The following PTPRK variants were observed in gnomAD, a reference collection of about 807,000 sequenced individuals.
PTPRK encodes the protein receptor-type tyrosine-protein phosphatase kappa.
PTPRK carries 75 observed loss-of-function variants against 178.0 expected under a neutral mutation model. That is an observed-to-expected ratio of 0.42 (90% CI 0.35 to 0.51). The LOEUF is 0.51. Among genes scored for constraint, PTPRK ranks in the 20% least tolerant of loss-of-function variants. The pLI is 0.02. For synonymous variants in PTPRK, 637 were observed against 620.6 expected (o/e 1.03, Z -0.39); for missense variants, 1,441 against 1,797.8 (o/e 0.80, Z 3.59).
chr6:127,998,214 A>AT (rs371220886), intron 16 of PTPRK, among the ~76,000 whole-genome samples: 49 of 151,746 alleles, frequency 3.2e-4, no homozygotes, highest in African/African-American at 1.1e-3. Flanking sequence ...GCAGTGCTCT[A>AT]TTTTTTTTCT....
chr6:128,091,417 C>T (rs1786923470), intron 7 of PTPRK, among the ~76,000 whole-genome samples: 1 of 152,284 alleles, frequency 6.6e-6, no homozygotes, highest in East Asian at 1.9e-4. Context: ...TCCAGTTAGA[C>T]CGAAAACACA....
Position 128,072,621 on chromosome 6 carries a change from C to T in PTPRK, c.1884-4829G>A, listed in dbSNP as rs186052046. On this transcript the variant is annotated intron_variant, in intron 11 of 29. Coordinates refer to ENST00000368226, the MANE Select transcript of PTPRK (RefSeq NM_002844.4). ...AATTACCACATTCCTTACCTTATAT[C>T]TCCATTCTTGTTTTATCTCCTGATA... Among the ~76,000 whole-genome samples, 402 of 152,130 alleles carry T rather than the reference C, an allele frequency of 2.6e-3. 2 individuals are homozygous for T. The highest frequency in any genetic ancestry group is 9.3e-3 in the African/African-American group (386 of 41,550).
chr6:128,419,807 C>G (rs768136807), intron 1 of PTPRK, among the ~76,000 whole-genome samples: 1 of 151,944 alleles, frequency 6.6e-6, no homozygotes, highest in Non-Finnish European at 1.5e-5. Context: ...ATGTTCCCAA[C>G]AAAAAAACTG....
intron 18 of PTPRK, among the ~76,000 whole-genome samples, chr6:127,993,392 T>C (rs1360649384): frequency 2.6e-5 from 4 of 151,558 alleles, no homozygotes; most frequent in Non-Finnish European, 5.9e-5. Flanking sequence ...AAAAGTTCTG[T>C]TGAGGAGGAA....
chr6:128,487,202 C>T (rs1354938450), intron 1 of PTPRK, among the ~76,000 whole-genome samples: 1 of 146,380 alleles, frequency 6.8e-6, no homozygotes, highest in African/African-American at 2.5e-5. Context: ...GAGAGGATGG[C>T]TTTCTGAAGT....
chr6:128,060,287 TC>T (rs1780593922), intron 13 of PTPRK, among the ~76,000 whole-genome samples: 1 of 152,210 alleles, frequency 6.6e-6, no homozygotes, highest in African/African-American at 2.4e-5. Context: ...AGCTATTATT[TC>T]TACTTTGACT....
intron 13 of PTPRK, among the ~76,000 whole-genome samples, chr6:128,017,802 GTATATA>G (rs34836605): frequency 0.055 from 5,525 of 101,246 alleles, 414 homozygotes; most frequent in African/African-American, 0.16. Flanking sequence ...ATATATATGT[GTATATA>G]TATATATATA....
chr6:127,988,097 C>T (rs1367683716), intron 21 of PTPRK, among the ~76,000 whole-genome samples: 1 of 149,952 alleles, frequency 6.7e-6, no homozygotes, highest in Non-Finnish European at 1.5e-5. Context: ...TTTCTTAATT[C>T]ACTACTAGAT....
At chr6:128,502,520 G>A (rs1254079011) in intron 1 of PTPRK, among the ~76,000 whole-genome samples, 1 of 152,096 alleles carries the variant, frequency 6.6e-6, no homozygotes, top group Non-Finnish European at 1.5e-5. Context: ...AATTAAAGAG[G>A]ATTATCTCAC....
At chr6:128,458,131 T>G (rs1323836928) in intron 1 of PTPRK, among the ~76,000 whole-genome samples, 7 of 152,202 alleles carry the variant, frequency 4.6e-5, no homozygotes, top group Admixed American at 3.9e-4. Context: ...TCAGAAAATT[T>G]CTCTCCATCT....
At chr6:128,163,554 A>C (rs1230130186) in intron 7 of PTPRK, among the ~76,000 whole-genome samples, 1 of 151,438 alleles carries the variant, frequency 6.6e-6, no homozygotes, top group Non-Finnish European at 1.5e-5. Flanking sequence ...TAAAAAGCTG[A>C]ATTAGCTTAC....
At chr6:128,367,457 A>C (rs1835671119) in intron 2 of PTPRK, among the ~76,000 whole-genome samples, 1 of 152,280 alleles carries the variant, frequency 6.6e-6, no homozygotes, top group South Asian at 2.1e-4. Flanking sequence ...AAATTCAGTG[A>C]CTTAACCTAA....
chr6:128,091,004 G>A (rs1396987949), intron 7 of PTPRK, among the ~76,000 whole-genome samples: 1 of 152,048 alleles, frequency 6.6e-6, no homozygotes, highest in Non-Finnish European at 1.5e-5. Context: ...ATAAATTTTT[G>A]TTTTTGAGAT....
intron 2 of PTPRK, among the ~76,000 whole-genome samples, chr6:128,335,361 T>G (rs1168587508): frequency 1.3e-5 from 2 of 149,644 alleles, no homozygotes; most frequent in African/African-American, 4.9e-5. Context: ...AAGCCAAAAA[T>G]CGGTCTGCTT....
intron 1 of PTPRK, among the ~76,000 whole-genome samples, chr6:128,503,213 G>A (rs1023998585): frequency 2.0e-5 from 3 of 152,304 alleles, no homozygotes; most frequent in East Asian, 1.9e-4. Flanking sequence ...GCAACAGAGC[G>A]AGACTCCATC....
At chr6:128,189,515 A>G (rs1243082978) in intron 6 of PTPRK, among the ~76,000 whole-genome samples, 1 of 152,012 alleles carries the variant, frequency 6.6e-6, no homozygotes, top group Non-Finnish European at 1.5e-5. Flanking sequence ...CTGGGATTAC[A>G]GGTGTGAGCC....
chr6:128,247,676 TC>T (rs1266979693), intron 3 of PTPRK, among the ~76,000 whole-genome samples: 2 of 152,232 alleles, frequency 1.3e-5, no homozygotes, highest in Non-Finnish European at 2.9e-5. Flanking sequence ...TTCAATTTCT[TC>T]TTCTATAAAG....
At chr6:128,015,079 T>C (rs901394723) in intron 13 of PTPRK, among the ~76,000 whole-genome samples, 1 of 151,786 alleles carries the variant, frequency 6.6e-6, no homozygotes, top group Non-Finnish European at 1.5e-5. Flanking sequence ...AGATTAATAC[T>C]GCAGATATTG....
chr6:128,243,488 TA>T (rs760606919), intron 3 of PTPRK, among the ~76,000 whole-genome samples: 664 of 59,142 alleles, frequency 0.011, 1 homozygote, highest in South Asian at 0.014. Flanking sequence ...AGCCTGTCGC[TA>T]AAAAAAAAAA....
Sources: gnomAD v4.1 joint callset for allele counts (sites outside exome capture counted in the v4.1 genomes callset) on GRCh38, gnomAD v4.1.1 for gene constraint, MANE v1.5 for transcripts, NCBI Gene and HGNC (gene_info 2026-07-23, HGNC 2026-07-21) for gene names.